ATAD2: variants seen among roughly 807,000 people sequenced by gnomAD.
ATAD2 encodes the protein ATPase family AAA domain-containing protein 2.
A neutral mutation model predicts 168.9 loss-of-function variants in ATAD2; 62 were observed. The ratio of observed to expected loss-of-function variants is 0.37; its 90% CI spans 0.30 to 0.45. ATAD2 has a LOEUF of 0.45. Ranked by LOEUF, ATAD2 falls within the 20% of genes least tolerant of loss-of-function variation. ATAD2 has a pLI of 1.00. For synonymous variants in ATAD2, 613 were observed against 571.6 expected (o/e 1.07, Z -1.03); for missense variants, 1,419 against 1,667.8 (o/e 0.85, Z 2.60).
intron 13 of ATAD2, among the ~76,000 whole-genome samples, chr8:123,351,430 T>G (rs779221176): frequency 6.6e-6 from 1 of 152,130 alleles, no homozygotes; most frequent in Admixed American, 6.6e-5. Flanking sequence ...TAACTGTCTC[T>G]AGATATCTGT....
intron 13 of ATAD2, among the ~76,000 whole-genome samples, chr8:123,354,864 A>AATATATATATATATATATATATAT (rs1251736641): frequency 1.4e-4 from 9 of 64,712 alleles, no homozygotes; most frequent in African/African-American, 7.8e-4. Context: ...AAAAAAAAAA[A>AATATATATATATATATATATATAT]ATATATATAT....
chr8:123,354,992 T>G (rs1437153935), intron 13 of ATAD2, among the ~76,000 whole-genome samples: 1 of 150,958 alleles, frequency 6.6e-6, no homozygotes, highest in Non-Finnish European at 1.5e-5. Context: ...TCAACTTACT[T>G]GATTATGAAG....
At chr8:123,412,065 T>C (rs367781731) in intron 1 of ATAD2, among the ~76,000 whole-genome samples, 3 of 152,334 alleles carry the variant, frequency 2.0e-5, no homozygotes, top group African/African-American at 7.2e-5. Context: ...CACTACTCCT[T>C]TTCCCTGGTC....
chr8:123,325,313 GTC>G (rs1264464681), intron 26 of ATAD2, among the ~76,000 whole-genome samples: 1 of 150,440 alleles, frequency 6.6e-6, no homozygotes, highest in East Asian at 1.9e-4. Flanking sequence ...TTGAGACAGA[GTC>G]TCTATCGCCC....
At position 123,337,667 on chromosome 8, in the gene ATAD2, G is replaced by A; in HGVS notation, c.3009C>T (p.Asp1003=). ...GCTTAGTAAACACTCGGAATCGCTT[G>A]TCAATAGCAAGCCTATGTGTAACAT... ...LRNVTHRLAI[D]KRFRVFTKPV... Residue 1003 remains aspartate (D), a synonymous_variant, in exon 21 of 28, where the codon GAC becomes GAT. Coordinates refer to ENST00000287394, the MANE Select transcript of ATAD2 (RefSeq NM_014109.4). The A allele has an allele frequency of 6.2e-7, 1 of 1,612,984 alleles. No individual in the cohort carries two copies. Among genetic ancestry groups the A allele is most frequent in the Non-Finnish European group, 8.5e-7 (1 of 1,179,614 alleles).
chr8:123,359,350 C>G lies in ATAD2; in HGVS notation c.1267-14G>C, dbSNP rs370955237. The G allele has an allele frequency of 3.2e-6, 5 of 1,550,610 alleles. No individual in the cohort carries two copies. The East Asian group carries it at 1.1e-4, about 35-fold the overall frequency. On this transcript the variant is annotated splice_polypyrimidine_tract_variant and intron_variant, in intron 10 of 27. Transcript: ENST00000287394. ...ATCAAATCGTACCTGGTAATGGAAGCGAACATGTACATTTTTAGATTTGGA... is the reference window on the plus strand; with the variant it reads ...ATCAAATCGTACCTGGTAATGGAAGGGAACATGTACATTTTTAGATTTGGA...
intron 1 of ATAD2, among the ~76,000 whole-genome samples, chr8:123,410,731 T>C (rs1344087739): frequency 6.6e-6 from 1 of 152,252 alleles, no homozygotes. Flanking sequence ...TGGACCATGC[T>C]TGTTACGGCT....
chr8:123,386,545 G>A (rs1243354825), intron 1 of ATAD2, among the ~76,000 whole-genome samples: 1 of 152,226 alleles, frequency 6.6e-6, no homozygotes, highest in East Asian at 1.9e-4. Flanking sequence ...AATGGGTACA[G>A]AGTTTCAATT....
chr8:123,322,856 T>C, intron 27 of ATAD2, 82 bp downstream of exon 27: 1 of 1,418,376 alleles, frequency 7.1e-7, no homozygotes. Context: ...ACAGATTAAA[T>C]AAAGCCTCAA....
intron 1 of ATAD2, among the ~76,000 whole-genome samples, chr8:123,389,981 TATA>T (rs1473007502): frequency 9.0e-6 from 1 of 110,524 alleles, no homozygotes; most frequent in Non-Finnish European, 1.7e-5. Flanking sequence ...TATATATATA[TATA>T]TTTTTTTTTT....
At chr8:123,389,982 ATATTTT>A (rs1214191595) in intron 1 of ATAD2, among the ~76,000 whole-genome samples, 14 of 110,854 alleles carry the variant, frequency 1.3e-4, no homozygotes, top group South Asian at 5.2e-4. Context: ...ATATATATAT[ATATTTT>A]TTTTTTTTTA....
chr8:123,334,058 C>T, intron 23 of ATAD2, 37 bp from the exon 24 acceptor site: 1 of 1,586,424 alleles, frequency 6.3e-7, no homozygotes, highest in South Asian at 1.1e-5. Flanking sequence ...AAAGGATTTC[C>T]AGATTTCAAA....
intron 1 of ATAD2, among the ~76,000 whole-genome samples, chr8:123,388,321 C>A (rs189894026): frequency 6.6e-6 from 1 of 152,150 alleles, no homozygotes; most frequent in East Asian, 1.9e-4. Context: ...TCAGCCTCCC[C>A]GGTAGTAGCT....
Position 123,321,194 on chromosome 8 carries a change from G to A in ATAD2, c.4132-19C>T, listed in dbSNP as rs769322405. The A allele has an allele frequency of 7.5e-6, 12 of 1,597,740 alleles. No homozygotes were observed. The highest frequency in any genetic ancestry group is 1.1e-5 in the South Asian group (1 of 87,944). On this transcript the variant is annotated intron_variant, in intron 27 of 27. Transcript: ENST00000287394. ...CCATTTTCTAGATAAAGGGGAGGAAGAGCAAATAGTAAGTTTCAATATGGA... is the reference window on the plus strand; with the variant it reads ...CCATTTTCTAGATAAAGGGGAGGAAAAGCAAATAGTAAGTTTCAATATGGA...
intron 4 of ATAD2, 22 bp downstream of exon 4, chr8:123,371,648 G>C (rs1443091553): frequency 1.9e-6 from 3 of 1,581,770 alleles, no homozygotes; most frequent in Admixed American, 1.9e-5. Context: ...AAATCATCTT[G>C]ATCTAAGGAA....
At chr8:123,362,078 T>C (rs932154767) in intron 8 of ATAD2, among the ~76,000 whole-genome samples, 5 of 152,114 alleles carry the variant, frequency 3.3e-5, no homozygotes, top group Non-Finnish European at 7.4e-5. Flanking sequence ...TAGCGGGACA[T>C]TGTCTCCACT....
chr8:123,395,432 T>C (rs893769013), intron 1 of ATAD2, among the ~76,000 whole-genome samples: 5 of 152,146 alleles, frequency 3.3e-5, no homozygotes, highest in African/African-American at 1.2e-4. Flanking sequence ...CCTTCCAAAC[T>C]TCCCCTATAG....
chr8:123,339,364 T>C lies in ATAD2; in HGVS notation c.2801A>G (p.Glu934Gly), dbSNP rs1828004124. 6.2e-7 allele frequency: 1 copy of C among 1,601,576 alleles called. No homozygotes were observed. The highest frequency in any genetic ancestry group is 8.5e-7 in the Non-Finnish European group (1 of 1,172,212). The stretch of plus-strand genomic sequence containing the variant: ...AGCAGCTTGTTTTAGAATTAAATCT[T>C]CAAAAAATTTTGTCCGTTCTTCTTT... ...PDKEERTKFF[E>G]DLILKQAAKP... The change falls in exon 20 of 28, where the codon GAA becomes GGA. Residue 934 changes from glutamate (E) to glycine (G), a missense_variant. This residue lies in a region of ATAD2 where 545 missense variants were observed against 724.9 expected (regional missense o/e 0.75). Coordinates refer to ENST00000287394, the MANE Select transcript of ATAD2 (RefSeq NM_014109.4).
At chr8:123,332,606 C>T (rs776827519) in intron 24 of ATAD2, among the ~76,000 whole-genome samples, 7 of 152,068 alleles carry the variant, frequency 4.6e-5, no homozygotes, top group Non-Finnish European at 1.0e-4. Flanking sequence ...ATGTAGTTGA[C>T]GTTTAAGGAT....
Sources: allele counts gnomAD v4.1 joint callset (sites outside exome capture counted in the v4.1 genomes callset), GRCh38; gene constraint gnomAD v4.1.1; regional missense constraint gnomAD v4.1.1; transcripts MANE v1.5; gene names NCBI Gene and HGNC (gene_info 2026-07-23, HGNC 2026-07-21).